ABCB9: variants seen among roughly 807,000 people sequenced by gnomAD.
The protein encoded by ABCB9 is ATP binding cassette subfamily B member 9.
A neutral mutation model predicts 62.0 loss-of-function variants in ABCB9; 36 were observed. That is an observed-to-expected ratio of 0.58 (90% CI 0.45 to 0.77). The LOEUF (loss-of-function observed/expected upper bound fraction) is 0.77, where lower values mean the gene tolerates loss of function less well. Ranked by LOEUF, ABCB9 falls within the 30% of genes least tolerant of loss-of-function variation. The pLI, the probability that ABCB9 is intolerant of heterozygous loss-of-function variation, is 0.00. For synonymous variants in ABCB9, 435 were observed against 461.4 expected (o/e 0.94, Z 0.73); for missense variants, 943 against 1,054.7 (o/e 0.89, Z 1.47).
downstream of ABCB9, among the ~76,000 whole-genome samples, chr12:122,928,071 G>A (rs746031818): frequency 6.6e-6 from 1 of 152,070 alleles, no homozygotes; most frequent in African/African-American, 2.4e-5. Context: ...TGAAGTGACC[G>A]TATTTGGAAA....
chr12:122,944,325 TG>T lies in ABCB9; in HGVS notation c.1380+65del. On this transcript the variant is annotated intron_variant, in intron 7 of 11. Coordinates refer to ENST00000280560, the MANE Select transcript of ABCB9 (RefSeq NM_019625.4). This position sits in a 1 kb window ranked among gnomAD's most constrained non-coding sequence, Gnocchi z 4.9. ...AGTCCCTGGAGCCCCGCCCCCACCC[TG>T]TTAAGATCCCTCTTCCCCAAACTCC... is the stretch of plus-strand genomic sequence containing the variant. 1 of 595,328 alleles carries T rather than the reference TG, an allele frequency of 1.7e-6. No individual in the cohort carries two copies. The allele number at this position is 595,328 out of a possible 1,614,324, so 36.9% of individuals were successfully genotyped here.
At chr12:122,951,581 AT>A (rs1293209160) in intron 2 of ABCB9, 1 of 152,160 alleles carries the variant, frequency 6.6e-6, no homozygotes. Context: ...TCAGTGGCTG[AT>A]TGACGCCAAA....
chr12:122,943,373 C>T (rs59002329), intron 7 of ABCB9, among the ~76,000 whole-genome samples: 8,429 of 152,200 alleles, frequency 0.055, 561 homozygotes, highest in African/African-American at 0.16. Flanking sequence ...TCTGCTTGTG[C>T]GGAAACCAAA....
chr12:122,941,131 A>G, intron 7 of ABCB9, 136 bp from the exon 8 acceptor site: 1 of 862,778 alleles, frequency 1.2e-6, no homozygotes, highest in South Asian at 1.8e-5. Context: ...CTGACCACCC[A>G]CTGGTGCATT....
At chr12:122,970,045 T>C, upstream of ABCB9, among the ~76,000 whole-genome samples, 1 of 152,196 alleles carries the variant, frequency 6.6e-6, no homozygotes, top group East Asian at 1.9e-4. Context: ...AATTTACGTC[T>C]ACAGAAACAC....
intron 2 of ABCB9, chr12:122,953,215 ATTT>A (rs145121710): frequency 1.4e-5 from 2 of 138,846 alleles, no homozygotes; most frequent in Non-Finnish European, 3.1e-5. Flanking sequence ...TACCACATAC[ATTT>A]TTTTTTTTTT....
upstream of ABCB9, chr12:122,966,642 G>T (rs1464341326): frequency 1.3e-5 from 2 of 152,210 alleles, no homozygotes; most frequent in Admixed American, 6.5e-5. Flanking sequence ...TCCGGGTGGG[G>T]ACGGGCCTCC....
intron 10 of ABCB9, among the ~76,000 whole-genome samples, chr12:122,934,253 A>G (rs1440108956): frequency 6.6e-6 from 1 of 152,174 alleles, no homozygotes; most frequent in Non-Finnish European, 1.5e-5. Flanking sequence ...CTCAATTAAA[A>G]CACAAACAAA....
At chr12:122,924,922 ATT>A, downstream of ABCB9, 3 of 1,179,258 alleles carry the variant, frequency 2.5e-6, no homozygotes, top group Non-Finnish European at 3.6e-6. Context: ...ACAATTTTAT[ATT>A]GTTTGTTTTT....
At chr12:122,934,544 G>T (rs924777235) in intron 10 of ABCB9, among the ~76,000 whole-genome samples, 1 of 151,618 alleles carries the variant, frequency 6.6e-6, no homozygotes, top group African/African-American at 2.4e-5. Flanking sequence ...TAAAAAGTGG[G>T]GTGGAAGGAT....
chr12:122,974,918 T>A (rs897524280), exon 1 of ABCB9: 2 of 213,436 alleles, frequency 9.4e-6, no homozygotes, highest in Non-Finnish European at 1.9e-5. Flanking sequence ...CGGCGGGGGG[T>A]GGGTCGGCGT....
In ABCB9 at chr12:122,929,254, G is replaced by A; in HGVS notation, c.*657C>T. 1 of 986,046 alleles carries A rather than the reference G, an allele frequency of 1.0e-6. No homozygotes were observed. The highest frequency in any genetic ancestry group is 1.2e-6 in the Non-Finnish European group (1 of 830,080). 61.1% of individuals were successfully genotyped at this position (986,046 alleles called of 1,614,324 possible). A position where few individuals can be genotyped will look rare whatever the true frequency, so the allele number is the denominator to read the frequency against. The stretch of plus-strand genomic sequence containing the variant: ...CACCCCTGAGGCCCCTCCAGACCTG[G>A]CCAGCCCCTCACTCCCCCAGTTGAG... On this transcript the variant is annotated 3_prime_UTR_variant, in exon 12 of 12. Coordinates refer to ENST00000280560, the MANE Select transcript of ABCB9 (RefSeq NM_019625.4). The surrounding 1 kb of genome is among the most constrained non-coding windows in gnomAD (Gnocchi z 6.0).
chr12:122,925,449 A>G (rs974594315), downstream of ABCB9, among the ~76,000 whole-genome samples: 1 of 152,032 alleles, frequency 6.6e-6, no homozygotes. Context: ...AACTCCCACA[A>G]AAAAAACATG....
exon 1 of ABCB9, chr12:122,974,868 T>C (rs1594092559): frequency 5.7e-6 from 1 of 174,316 alleles, no homozygotes; most frequent in Non-Finnish European, 1.2e-5. Context: ...CTCTTTAAAC[T>C]GTCCTCAGCT....
chr12:122,927,753 A>G (rs1449063236), downstream of ABCB9, among the ~76,000 whole-genome samples: 2 of 152,218 alleles, frequency 1.3e-5, no homozygotes, highest in African/African-American at 2.4e-5. Context: ...AATGTCCAAC[A>G]CTGACGCTAC....
chr12:122,941,787 G>A (rs771003455), intron 7 of ABCB9, among the ~76,000 whole-genome samples: 8 of 152,080 alleles, frequency 5.3e-5, no homozygotes, highest in African/African-American at 1.9e-4. Context: ...GTGCAGTGGT[G>A]TGATCTTGCT....
chr12:122,919,529 G>A (rs1302322843), downstream of ABCB9, among the ~76,000 whole-genome samples: 1 of 152,058 alleles, frequency 6.6e-6, no homozygotes, highest in African/African-American at 2.4e-5. Flanking sequence ...CTTTCCTCTA[G>A]ATACCCAAAG....
downstream of ABCB9, among the ~76,000 whole-genome samples, chr12:122,926,431 C>T (rs2034908014): frequency 6.6e-6 from 1 of 152,008 alleles, no homozygotes; most frequent in African/African-American, 2.4e-5. Context: ...CCTGTAGTCC[C>T]AGCTACTCAA....
upstream of ABCB9, among the ~76,000 whole-genome samples, chr12:122,967,070 G>A (rs909010711): frequency 2.0e-5 from 3 of 152,206 alleles, no homozygotes; most frequent in South Asian, 2.1e-4. Context: ...TACATTTTAC[G>A]GAGAAAATTG....
Sources: gnomAD v4.1 joint callset for allele counts (sites outside exome capture counted in the v4.1 genomes callset) on GRCh38, gnomAD v4.1.1 for gene constraint, Gnocchi (gnomAD v3.1) non-coding constraint, MANE v1.5 for transcripts, NCBI Gene and HGNC (gene_info 2026-07-23, HGNC 2026-07-21) for gene names.